KRT73: variants seen among roughly 807,000 people sequenced by gnomAD.
KRT73 encodes keratin, type II cytoskeletal 73.
Under a neutral mutation model 47.2 loss-of-function variants are expected in KRT73, and 44 were observed. That is an observed-to-expected ratio of 0.93 (90% CI 0.73 to 1.20). The LOEUF is 1.20. KRT73 is among the 50% of genes most tolerant of loss of function. The pLI, the probability that KRT73 is intolerant of heterozygous loss-of-function variation, is 0.00. For synonymous variants in KRT73, 285 were observed against 291.3 expected, an observed-to-expected ratio of 0.98 and a Z score of 0.22; for missense variants, 713 against 704.5, an observed-to-expected ratio of 1.01 and a Z score of -0.14.
intron 5 of KRT73, chr12:52,612,520 G>C (rs1481380354): frequency 2.6e-5 from 4 of 152,198 alleles, no homozygotes; most frequent in African/African-American, 9.7e-5. Flanking sequence ...GAAGGCAGAA[G>C]GGCTTCTCTC....
At chr12:52,625,033 T>G in the KRT73 span, among the ~76,000 whole-genome samples, 1 of 152,148 alleles carries the variant, frequency 6.6e-6, no homozygotes, top group Non-Finnish European at 1.5e-5. Context: ...CTATAAAATG[T>G]AAAACTATAG....
chr12:52,629,758 A>G, the KRT73 span, among the ~76,000 whole-genome samples: 6 of 152,362 alleles, frequency 3.9e-5, no homozygotes, highest in Non-Finnish European at 4.4e-5. Context: ...GTCAGAGGAA[A>G]GGATACCTCA....
chr12:52,621,568 T>G (rs936741865), upstream of KRT73, among the ~76,000 whole-genome samples: 2 of 152,154 alleles, frequency 1.3e-5, no homozygotes, highest in South Asian at 4.1e-4. Flanking sequence ...ATTCCAGACT[T>G]GGGGCAGAAG....
chr12:52,614,993 G>A (rs1183964864), intron 3 of KRT73: 1 of 533,064 alleles, frequency 1.9e-6, no homozygotes, highest in South Asian at 3.0e-5. Context: ...TAGCAGAGTT[G>A]GAAGGCAAAC....
chr12:52,620,046 G>T (rs908838553), upstream of KRT73, among the ~76,000 whole-genome samples: 1 of 151,558 alleles, frequency 6.6e-6, no homozygotes, highest in Non-Finnish European at 1.5e-5. Flanking sequence ...TTTCACTAAA[G>T]GCAATGCCAC....
chr12:52,620,761 C>T (rs1208824246), upstream of KRT73, among the ~76,000 whole-genome samples: 1 of 152,176 alleles, frequency 6.6e-6, no homozygotes, highest in Non-Finnish European at 1.5e-5. Flanking sequence ...CGGAAACCTT[C>T]TCTGATCACT....
intron 7 of KRT73, 54 bp downstream of exon 7, chr12:52,610,561 G>T: frequency 2.1e-6 from 1 of 481,808 alleles, no homozygotes; most frequent in Non-Finnish European, 3.5e-6. Flanking sequence ...CCACACTCTG[G>T]GAAACTTTAA....
At chr12:52,619,451 T>C (rs1053900561), upstream of KRT73, among the ~76,000 whole-genome samples, 1 of 152,156 alleles carries the variant, frequency 6.6e-6, no homozygotes, top group African/African-American at 2.4e-5. Flanking sequence ...TTTCTTTGTG[T>C]GAATCCCAGA....
chr12:52,620,479 C>T (rs1443707421), upstream of KRT73, among the ~76,000 whole-genome samples: 4 of 152,264 alleles, frequency 2.6e-5, no homozygotes, highest in African/African-American at 9.6e-5. Flanking sequence ...GATGAGAATG[C>T]TTAGTATTCC....
At chr12:52,623,361 G>A (rs1350270845), upstream of KRT73, among the ~76,000 whole-genome samples, 1 of 152,222 alleles carries the variant, frequency 6.6e-6, no homozygotes, top group Non-Finnish European at 1.5e-5. Flanking sequence ...TGTTGATGCA[G>A]AATTCAGTGC....
Position 52,616,149 on chromosome 12 carries a change from A to AGTGG in KRT73, c.662+13_662+16dup. On this transcript the variant is annotated intron_variant, in intron 2 of 8. Coordinates refer to ENST00000305748, the MANE Select transcript of KRT73 (RefSeq NM_175068.3). The stretch of plus-strand genomic sequence containing the variant: ...CACCCTGGGAGGCAGACCAGCCTGG[A>AGTGG]GTGGCGTCCTGCTCACCTCTTCTTG... 6.2e-7 allele frequency: 1 copy of AGTGG among 1,613,670 alleles called. No individual in the cohort carries two copies. The highest frequency in any genetic ancestry group is 2.2e-5 in the East Asian group (1 of 44,882).
intron 1 of KRT73, 68 bp downstream of exon 1, chr12:52,618,010 A>G: frequency 6.7e-7 from 1 of 1,494,998 alleles, no homozygotes. Context: ...ACCACAAATT[A>G]GGGCAGTGGC....
At chr12:52,614,768 G>T in intron 3 of KRT73, 94 bp from the exon 4 acceptor site, 1 of 974,266 alleles carries the variant, frequency 1.0e-6, no homozygotes, top group Non-Finnish European at 1.5e-6. Context: ...GCCCTAGCTA[G>T]CTGCCCAGGA....
intron 7 of KRT73, 109 bp from the exon 8 acceptor site, chr12:52,609,390 C>T (rs1039256363): frequency 2.6e-5 from 23 of 876,076 alleles, no homozygotes; most frequent in Admixed American, 1.2e-4. Context: ...TCAGCCTTCA[C>T]GCACCCCACA....
At chr12:52,608,496 C>CTT in intron 8 of KRT73, 44 bp from the exon 9 acceptor site, 1 of 1,519,230 alleles carries the variant, frequency 6.6e-7, no homozygotes, top group Non-Finnish European at 8.8e-7. Flanking sequence ...TATCCCAGGA[C>CTT]AGAGGTGGCC....
chr12:52,610,914 G>A, intron 6 of KRT73, 79 bp from the exon 7 acceptor site: 1 of 1,252,890 alleles, frequency 8.0e-7, no homozygotes, highest in South Asian at 1.4e-5. Context: ...CAATGGTTGA[G>A]CCCTCCTCTG....
upstream of KRT73, among the ~76,000 whole-genome samples, chr12:52,622,230 A>G (rs1333204837): frequency 2.0e-5 from 3 of 152,256 alleles, no homozygotes; most frequent in Admixed American, 2.0e-4. Context: ...ACATGCTTAA[A>G]TGAACAACTA....
upstream of KRT73, among the ~76,000 whole-genome samples, chr12:52,623,062 A>G (rs1202684607): frequency 6.6e-6 from 1 of 152,226 alleles, no homozygotes; most frequent in Non-Finnish European, 1.5e-5. Context: ...TTGCTGAAAA[A>G]TAACTCAAAG....
upstream of KRT73, among the ~76,000 whole-genome samples, chr12:52,621,367 A>G (rs753707336): frequency 2.0e-5 from 3 of 152,168 alleles, no homozygotes; most frequent in Non-Finnish European, 4.4e-5. Context: ...GGGCAATCAA[A>G]TAAATATTGT....
Sources: gnomAD v4.1 joint callset for allele counts (sites outside exome capture counted in the v4.1 genomes callset) on GRCh38, gnomAD v4.1.1 for gene constraint, MANE v1.5 for transcripts, NCBI Gene and HGNC (gene_info 2026-07-23, HGNC 2026-07-21) for gene names.